EPHA3: variants seen among roughly 807,000 people sequenced by gnomAD.
EPHA3 encodes the protein ephrin type-A receptor 3.
EPHA3 carries 42 observed loss-of-function variants against 107.1 expected under a neutral mutation model. The observed-to-expected ratio is 0.39, with a 90% confidence interval of 0.31 to 0.51. The LOEUF (loss-of-function observed/expected upper bound fraction) is 0.51, where lower values mean the gene tolerates loss of function less well. Ranked by LOEUF, EPHA3 falls within the 20% of genes least tolerant of loss-of-function variation. The pLI is 0.78. For missense variants in EPHA3, 1,183 were observed against 1,211.2 expected (o/e 0.98, Z 0.35); for synonymous variants, 461 against 424.8 (o/e 1.09, Z -1.05).
chr3:89,246,870 T>C (rs1418180504), intron 3 of EPHA3, among the ~76,000 whole-genome samples: 2 of 152,190 alleles, frequency 1.3e-5, no homozygotes, highest in African/African-American at 4.8e-5. Flanking sequence ...TTAATGTCCT[T>C]TGGAGCAGTA....
chr3:89,190,323 G>A (rs7642247), intron 2 of EPHA3, among the ~76,000 whole-genome samples: 34,941 of 151,840 alleles, frequency 0.23, 4,101 homozygotes, highest in Middle Eastern at 0.33. Context: ...CTTCAAACTC[G>A]TTGTTTGCCA....
In EPHA3 at chr3:89,210,740, C is replaced by A. The variant is rs113114973; in HGVS notation, c.814+220C>A. Among the ~76,000 whole-genome samples, 209 of 152,230 alleles carry A rather than the reference C, an allele frequency of 1.4e-3. 1 individual carries two copies. Among genetic ancestry groups the A allele is most frequent in the Middle Eastern group, 0.01 (3 of 294 alleles). On this transcript the variant is annotated intron_variant, in intron 3 of 16. Transcript: ENST00000336596. ...TATTTGATTATACAGTGCTGGCCTGCACCCTGTAATAGGTGTTATACATGC... is the reference window on the plus strand; with the variant it reads ...TATTTGATTATACAGTGCTGGCCTGAACCCTGTAATAGGTGTTATACATGC...
chr3:89,387,142 G>A (rs1314431507), intron 5 of EPHA3, among the ~76,000 whole-genome samples: 2 of 152,142 alleles, frequency 1.3e-5, no homozygotes, highest in South Asian at 2.1e-4. Flanking sequence ...GTTTTAAAAT[G>A]TGAAGACATG....
rs555079044 is a variant in EPHA3, at chr3:89,199,906, T to A, written c.154-9954T>A. On this transcript the variant is annotated intron_variant, in intron 2 of 16. Transcript: ENST00000336596. ...TTGACATTTGGCACATTGCATGCCATTTAATTTTAGTAAATTAAAATAGGG... is the reference window on the plus strand; with the variant it reads ...TTGACATTTGGCACATTGCATGCCAATTAATTTTAGTAAATTAAAATAGGG... 2.6e-5 allele frequency among the ~76,000 whole-genome samples: 4 copies of A among 152,338 alleles called. No homozygotes were observed. In the South Asian group the frequency reaches 8.3e-4, roughly 32 times the overall value.
At chr3:89,422,903 G>A (rs1709379160) in intron 11 of EPHA3, among the ~76,000 whole-genome samples, 1 of 151,328 alleles carries the variant, frequency 6.6e-6, no homozygotes, top group South Asian at 2.1e-4. Flanking sequence ...GTCTTAAACA[G>A]GAGAAGGTGA....
Position 89,160,589 on chromosome 3 carries a change from T to TGTGTGTGTGTGG in EPHA3, c.153+33317_153+33318insTGTGTGTGTGGG, listed in dbSNP as rs371399940. ...GTGTGTGTGTGTGTGTGTGTGTGTG[T>TGTGTGTGTGTGG]GCGCGCATTCTTTTTCTGTGTGTAT... is the stretch of plus-strand genomic sequence containing the variant. On this transcript the variant is annotated intron_variant, in intron 2 of 16. Transcript: ENST00000336596. Among the ~76,000 whole-genome samples the TGTGTGTGTGTGG allele has an allele frequency of 4.3e-3, 621 of 145,092 alleles. 12 individuals carry two copies. Among genetic ancestry groups the TGTGTGTGTGTGG allele is most frequent in the Middle Eastern group, 0.014 (4 of 288 alleles).
At chr3:89,371,143 A>G (rs1375915965) in intron 5 of EPHA3, among the ~76,000 whole-genome samples, 7 of 151,686 alleles carry the variant, frequency 4.6e-5, no homozygotes, top group Non-Finnish European at 8.9e-5. Context: ...AAAATTCTTT[A>G]TATTAGTTAT....
At chr3:89,385,642 A>G (rs1458407057) in intron 5 of EPHA3, among the ~76,000 whole-genome samples, 2 of 152,178 alleles carry the variant, frequency 1.3e-5, no homozygotes, top group East Asian at 1.9e-4. Context: ...GAAGACTAAT[A>G]TAGTAAATTG....
At chr3:89,281,401 C>A (rs1174411340) in intron 3 of EPHA3, among the ~76,000 whole-genome samples, 1 of 152,126 alleles carries the variant, frequency 6.6e-6, no homozygotes, top group Non-Finnish European at 1.5e-5. Context: ...CCAAAAACCA[C>A]TAGCAGATTT....
chr3:89,202,486 AACCTGGATGACTGAGCGAG>A (rs1309112924), intron 2 of EPHA3, among the ~76,000 whole-genome samples: 1 of 146,532 alleles, frequency 6.8e-6, no homozygotes, highest in Non-Finnish European at 1.5e-5. Context: ...GCTGCACTCC[AACCTGGATGACTGAGCGAG>A]ACTCTGTCTC....
chr3:89,300,937 G>A (rs373329776), intron 3 of EPHA3, among the ~76,000 whole-genome samples: 1 of 152,150 alleles, frequency 6.6e-6, no homozygotes, highest in East Asian at 1.9e-4. Context: ...TGGTTATAAA[G>A]CAAGGTAGCT....
intron 3 of EPHA3, among the ~76,000 whole-genome samples, chr3:89,250,212 A>C (rs761417373): frequency 2.0e-5 from 3 of 152,246 alleles, no homozygotes; most frequent in Non-Finnish European, 4.4e-5. Context: ...TCTCCTTATC[A>C]AATCAGCTTC....
chr3:89,361,018 T>G (rs1390572976), intron 5 of EPHA3, among the ~76,000 whole-genome samples: 1 of 151,076 alleles, frequency 6.6e-6, no homozygotes, highest in African/African-American at 2.4e-5. Context: ...AACTCACAAT[T>G]ATGGCAACTT....
chr3:89,434,404 G>A (rs773260364), intron 13 of EPHA3, among the ~76,000 whole-genome samples: 28 of 152,082 alleles, frequency 1.8e-4, no homozygotes, highest in Non-Finnish European at 4.0e-4. Flanking sequence ...TTTTAGTACA[G>A]ACGGGGTTAC....
intron 7 of EPHA3, chr3:89,399,906 A>G (rs1016012029): frequency 2.8e-6 from 3 of 1,060,418 alleles, no homozygotes; most frequent in South Asian, 4.5e-5. Flanking sequence ...ATTCAATAGC[A>G]TATCACAGAG....
At chr3:89,479,106 C>T (rs934012871) in intron 16 of EPHA3, among the ~76,000 whole-genome samples, 2 of 152,094 alleles carry the variant, frequency 1.3e-5, no homozygotes, top group Non-Finnish European at 2.9e-5. Flanking sequence ...AAGATATTTT[C>T]CCAATCGGTG....
chr3:89,450,103 C>T (rs1709956031), intron 14 of EPHA3, 74 bp from the exon 15 acceptor site: 9 of 1,259,608 alleles, frequency 7.1e-6, no homozygotes, highest in East Asian at 5.0e-5. Flanking sequence ...TTGTGAGCCC[C>T]GCCCATGAAA....
rs191298689 is a variant in EPHA3 at position 89,318,478 on chromosome 3, T to A, written c.815-22438T>A. Among the ~76,000 whole-genome samples the A allele has an allele frequency of 2.2e-4, 33 of 152,018 alleles. No homozygotes were observed. The East Asian group carries it at 3.9e-3, about 18-fold the overall frequency. On this transcript the variant is annotated intron_variant, in intron 3 of 16. Coordinates refer to ENST00000336596, the MANE Select transcript of EPHA3 (RefSeq NM_005233.6). ...ATTCTTTTCATTTCAGACTATTTTC[T>A]GTTGAATGATTTGACTTCTCCTAAA...
intron 2 of EPHA3, among the ~76,000 whole-genome samples, chr3:89,171,513 G>A (rs997584184): frequency 1.3e-5 from 2 of 152,160 alleles, no homozygotes; most frequent in African/African-American, 2.4e-5. Flanking sequence ...AATGTCGTGG[G>A]AAGTAATTTT....
Sources: gnomAD v4.1 joint callset for allele counts (sites outside exome capture counted in the v4.1 genomes callset) on GRCh38, gnomAD v4.1.1 for gene constraint, MANE v1.5 for transcripts, NCBI Gene and HGNC (gene_info 2026-07-23, HGNC 2026-07-21) for gene names.